The following XPR1 variants were observed in gnomAD, a reference collection of about 807,000 sequenced individuals.
XPR1 encodes the protein solute carrier family 53 member 1.
XPR1 carries 28 observed loss-of-function variants against 87.5 expected under a neutral mutation model. The ratio of observed to expected loss-of-function variants is 0.32; its 90% CI spans 0.24 to 0.44. The LOEUF is 0.44. Among genes scored for constraint, XPR1 ranks in the 20% least tolerant of loss-of-function variants. The pLI is 1.00. For missense variants in XPR1, 559 were observed against 862.3 expected (o/e 0.65, Z 4.41); for synonymous variants, 300 against 306.1 (o/e 0.98, Z 0.21).
chr1:180,846,587 G>A (rs768517116), intron 11 of XPR1, among the ~76,000 whole-genome samples: 5 of 151,354 alleles, frequency 3.3e-5, no homozygotes, highest in Admixed American at 6.6e-5. Flanking sequence ...GATTACACAC[G>A]CCCACCACCA....
chr1:180,696,666 A>G (rs1344313051), intron 2 of XPR1, among the ~76,000 whole-genome samples: 3 of 152,008 alleles, frequency 2.0e-5, no homozygotes, highest in Non-Finnish European at 2.9e-5. Flanking sequence ...TGCTCTTTCT[A>G]TGCCTAGTTT....
At chr1:180,694,128 A>C (rs1358046564) in intron 2 of XPR1, among the ~76,000 whole-genome samples, 2 of 151,968 alleles carry the variant, frequency 1.3e-5, no homozygotes, top group African/African-American at 2.4e-5. Flanking sequence ...TGGATAATTA[A>C]AGAAATTTTT....
intron 2 of XPR1, among the ~76,000 whole-genome samples, chr1:180,709,169 C>T (rs905974744): frequency 1.1e-4 from 16 of 152,194 alleles, no homozygotes; most frequent in Admixed American, 5.2e-4. Flanking sequence ...GCCTCGGCCT[C>T]CCAAAGTGCT....
intron 3 of XPR1, among the ~76,000 whole-genome samples, chr1:180,794,007 G>T (rs3002121): frequency 0.18 from 27,651 of 151,734 alleles, 3,012 homozygotes; most frequent in Middle Eastern, 0.31. Context: ...TAAATAATGG[G>T]TTTTTTTTAA....
chr1:180,853,210 G>C (rs1057440451), intron 11 of XPR1, among the ~76,000 whole-genome samples: 2 of 152,210 alleles, frequency 1.3e-5, no homozygotes, highest in Admixed American at 1.3e-4. Context: ...TTATAGGCAT[G>C]AGCCACTGCC....
chr1:180,684,301 G>T (rs1656686039), intron 2 of XPR1, among the ~76,000 whole-genome samples: 1 of 152,102 alleles, frequency 6.6e-6, no homozygotes, highest in Non-Finnish European at 1.5e-5. Context: ...ATTTCTGAGG[G>T]CTCTGTGCTG....
chr1:180,841,754 T>C (rs1651522168), intron 11 of XPR1, among the ~76,000 whole-genome samples: 1 of 152,176 alleles, frequency 6.6e-6, no homozygotes, highest in African/African-American at 2.4e-5. Context: ...AAACACTTTT[T>C]AGATGGACCA....
intron 7 of XPR1, among the ~76,000 whole-genome samples, chr1:180,818,793 A>G (rs1473142097): frequency 6.6e-6 from 1 of 152,222 alleles, no homozygotes; most frequent in African/African-American, 2.4e-5. Context: ...CAGTAAATCT[A>G]CAAAAGTTTG....
At chr1:180,883,232 C>G (rs137866294) in intron 14 of XPR1, among the ~76,000 whole-genome samples, 3 of 149,248 alleles carry the variant, frequency 2.0e-5, no homozygotes, top group Non-Finnish European at 4.4e-5. Context: ...TCCCAAGGAG[C>G]TGGGATTACA....
At chr1:180,749,737 C>T (rs1647450018) in intron 2 of XPR1, among the ~76,000 whole-genome samples, 1 of 151,138 alleles carries the variant, frequency 6.6e-6, no homozygotes, top group Non-Finnish European at 1.5e-5. Flanking sequence ...AGTAGGCATT[C>T]ATTAAATACT....
In XPR1 at chr1:180,841,372, A is replaced by ATTT. The variant is rs61531123; in HGVS notation, c.1501+4666_1501+4668dup. On this transcript the variant is annotated intron_variant, in intron 11 of 14. Transcript: ENST00000367590. ...CTCAGTTCTATTCTTCAGCCTAGGGATTTTTTTTTTTTCCAGACAAAGCGA... is the reference window on the plus strand; with the variant it reads ...CTCAGTTCTATTCTTCAGCCTAGGGATTTTTTTTTTTTTTTCCAGACAAAGCGA... 3.0e-3 allele frequency among the ~76,000 whole-genome samples: 437 copies of ATTT among 145,054 alleles called. 3 individuals are homozygous for ATTT. Among genetic ancestry groups the ATTT allele is most frequent in the African/African-American group, 9.9e-3 (396 of 39,872 alleles).
chr1:180,632,064 G>C lies in XPR1; in HGVS notation c.-138G>C, dbSNP rs928574416. 5.4e-5 allele frequency: 53 copies of C among 977,298 alleles called. No individual in the cohort carries two copies. The highest frequency in any genetic ancestry group is 7.8e-5 in the Non-Finnish European group (49 of 628,352). 60.5% of individuals were successfully genotyped at this position (977,298 alleles called of 1,614,324 possible). ...GATGGCGGGCGGGCTGCTCTGAAGA[G>C]ACCTCGGCGGCGGCGGAGGAGGAGA... On this transcript the variant is annotated 5_prime_UTR_variant, in exon 1 of 15. Transcript: ENST00000367590.
intron 13 of XPR1, among the ~76,000 whole-genome samples, chr1:180,875,187 C>T (rs1652621229): frequency 6.6e-6 from 1 of 152,000 alleles, no homozygotes; most frequent in Admixed American, 6.6e-5. Context: ...TCTGATAACC[C>T]CAGGTCAAAA....
intron 6 of XPR1, 29 bp downstream of exon 6, chr1:180,806,586 G>A (rs1447337987): frequency 4.4e-6 from 7 of 1,589,140 alleles, no homozygotes; most frequent in Non-Finnish European, 6.0e-6. Flanking sequence ...TAGTTTGTTT[G>A]GTTTCACCTA....
intron 2 of XPR1, among the ~76,000 whole-genome samples, chr1:180,715,950 G>A (rs1188687270): frequency 2.6e-5 from 4 of 152,164 alleles, no homozygotes; most frequent in African/African-American, 9.7e-5. Context: ...TGGGATTACA[G>A]GTGTAAGTCA....
intron 2 of XPR1, among the ~76,000 whole-genome samples, chr1:180,779,584 A>G (rs1283725323): frequency 1.3e-5 from 2 of 151,840 alleles, no homozygotes; most frequent in Non-Finnish European, 2.9e-5. Flanking sequence ...GTGAAACATC[A>G]TCTCTAGTAG....
At chr1:180,825,776 C>T (rs1032456020) in intron 9 of XPR1, among the ~76,000 whole-genome samples, 1 of 152,142 alleles carries the variant, frequency 6.6e-6, no homozygotes, top group Non-Finnish European at 1.5e-5. Flanking sequence ...TTGGGCTGGG[C>T]GCGGTGGCTC....
chr1:180,843,940 C>G (rs1419836884), intron 11 of XPR1, among the ~76,000 whole-genome samples: 1 of 152,174 alleles, frequency 6.6e-6, no homozygotes, highest in African/African-American at 2.4e-5. Context: ...TGACCGGGCA[C>G]AGTAGCTCAC....
At chr1:180,658,650 C>T (rs538395011) in intron 1 of XPR1, among the ~76,000 whole-genome samples, 194 of 151,992 alleles carry the variant, frequency 1.3e-3, no homozygotes, top group African/African-American at 4.5e-3. Flanking sequence ...CTGCAAGCTC[C>T]GCCTCCCAGG....
Sources: allele counts gnomAD v4.1 joint callset (sites outside exome capture counted in the v4.1 genomes callset), GRCh38; gene constraint gnomAD v4.1.1; transcripts MANE v1.5; gene names NCBI Gene and HGNC (gene_info 2026-07-23, HGNC 2026-07-21).